The following DYNC1H1 variants were observed in gnomAD, a reference collection of about 807,000 sequenced individuals.
The protein encoded by DYNC1H1 is cytoplasmic dynein 1 heavy chain 1.
In DYNC1H1, 51 loss-of-function variants were observed where a neutral mutation model predicts 527.1. The ratio of observed to expected loss-of-function variants is 0.10; its 90% CI spans 0.08 to 0.12. The LOEUF (loss-of-function observed/expected upper bound fraction) is 0.12. Ranked by LOEUF, DYNC1H1 falls within the 10% of genes least tolerant of loss-of-function variation. The probability of loss-of-function intolerance (pLI) is 1.00; values close to 1 mark genes in which losing one functional copy is unlikely to be tolerated. For missense variants in DYNC1H1, 2,771 were observed against 5,971.8 expected, an observed-to-expected ratio of 0.46 and a Z score of 17.66; for synonymous variants, 2,189 against 2,278.8, an observed-to-expected ratio of 0.96 and a Z score of 1.12.
Position 102,033,098 on chromosome 14 carries a change from C to T in DYNC1H1, c.10113C>T (p.Tyr3371=). The change falls in exon 53 of 78, where the codon TAC becomes TAT. Residue 3371 remains tyrosine, a synonymous_variant. Coordinates refer to ENST00000360184, the MANE Select transcript of DYNC1H1 (RefSeq NM_001376.5). This position sits in a 1 kb window ranked among gnomAD's most constrained non-coding sequence, Gnocchi z 5.6. ...TAAGGGAGAAGATGAAGAAAAATTA[C>T]ATGTCCAATCCAAGTTACAATTATG... The part of the protein sequence containing the change: ...DAIREKMKKN[Y]MSNPSYNYEI... 2 of 1,614,220 alleles carry T rather than the reference C, an allele frequency of 1.2e-6. No individual in the cohort carries two copies. Among genetic ancestry groups the T allele is most frequent in the Non-Finnish European group, 1.7e-6 (2 of 1,180,054 alleles).
chr14:101,994,421 T>G (rs1462004187), intron 12 of DYNC1H1, 97 bp downstream of exon 12: 1 of 1,559,202 alleles, frequency 6.4e-7, no homozygotes, highest in African/African-American at 1.4e-5. Context: ...AGGTCTTGAC[T>G]GTATGTATGG....
chr14:102,006,277 C>T (rs933195414), intron 27 of DYNC1H1, 107 bp downstream of exon 27: 3 of 1,510,426 alleles, frequency 2.0e-6, no homozygotes, highest in Non-Finnish European at 2.7e-6. Flanking sequence ...GTCTGTCGCC[C>T]AGGCTGGAGC....
At chr14:102,046,526 G>A (rs1166564627) in intron 72 of DYNC1H1, among the ~76,000 whole-genome samples, 4 of 144,184 alleles carry the variant, frequency 2.8e-5, no homozygotes, top group Admixed American at 6.9e-5. Context: ...AGAGCCAGGC[G>A]AGCTGGGCGG....
chr14:102,050,232 A>C (rs1290718065), intron 77 of DYNC1H1, 34 bp downstream of exon 77: 3 of 1,613,544 alleles, frequency 1.9e-6, no homozygotes, highest in East Asian at 2.2e-5. Flanking sequence ...GGCATTCTGC[A>C]GGGACCCCTG....
intron 1 of DYNC1H1, among the ~76,000 whole-genome samples, chr14:101,973,747 T>C (rs186761702): frequency 6.6e-6 from 1 of 152,052 alleles, no homozygotes; most frequent in Non-Finnish European, 1.5e-5. Context: ...AAGACTACAG[T>C]GAGGTGTGAT....
rs2048037937 is a variant in DYNC1H1, at chr14:101,994,657, T to G, written c.3157-16T>G. 5 of 1,613,822 alleles carry G rather than the reference T, an allele frequency of 3.1e-6. No individual in the cohort carries two copies. In the South Asian group the frequency reaches 5.5e-5, roughly 18 times the overall value. On this transcript the variant is annotated splice_polypyrimidine_tract_variant and intron_variant, in intron 12 of 77. Coordinates refer to ENST00000360184, the MANE Select transcript of DYNC1H1 (RefSeq NM_001376.5). ...GAAAACTCAAACTATTATTTAACTG[T>G]GTTCTTCATTTGCAGGTTTGGCTTC...
rs574984154 is a variant in DYNC1H1 at position 102,050,729 on chromosome 14, A to G, written c.*166A>G. ...TGGGAGTGGTGGAAATTGGAAGGAT[A>G]CCAGGAGGTATTTGGGAAGGCCAAT... On this transcript the variant is annotated 3_prime_UTR_variant, in exon 78 of 78. Transcript: ENST00000360184. The G allele has an allele frequency of 4.8e-5, 54 of 1,130,028 alleles. No individual in the cohort carries two copies. Among genetic ancestry groups the G allele is most frequent in the Non-Finnish European group, 6.8e-5 (53 of 782,502 alleles). The allele number at this position is 1,130,028 out of a possible 1,614,324, so 70.0% of individuals were successfully genotyped here. A position where few individuals can be genotyped will look rare whatever the true frequency, so the allele number is the denominator to read the frequency against.
At position 102,042,753 on chromosome 14, in the gene DYNC1H1, G is replaced by GT. The variant is rs1449974341; in HGVS notation, c.12513+6dup. 8.7e-6 allele frequency: 14 copies of GT among 1,613,398 alleles called. No individual in the cohort carries two copies. Among genetic ancestry groups the GT allele is most frequent in the Non-Finnish European group, 1.2e-5 (14 of 1,179,432 alleles). Reference sequence around the variant, plus strand: ...CCCGTCTCACGGATATGCAAGGTAAGTACCTTGTCCTCCTGGTATGCTTTC... The same window carrying GT: ...CCCGTCTCACGGATATGCAAGGTAAGTTACCTTGTCCTCCTGGTATGCTTTC... On this transcript the variant is annotated splice_donor_region_variant and intron_variant, in intron 69 of 77. Transcript: ENST00000360184. This position sits in a 1 kb window ranked among gnomAD's most constrained non-coding sequence, Gnocchi z 5.7.
intron 23 of DYNC1H1, among the ~76,000 whole-genome samples, chr14:102,003,667 C>T (rs1173506703): frequency 5.3e-5 from 8 of 152,140 alleles, no homozygotes; most frequent in Admixed American, 2.0e-4. Context: ...TGGTGGCTCA[C>T]GCCTGTAATC....
intron 73 of DYNC1H1, 176 bp from the exon 74 acceptor site, chr14:102,048,319 GGGCCTCAGCGGGTTTCTGAGC>G: frequency 2.5e-6 from 2 of 786,504 alleles, no homozygotes; most frequent in South Asian, 3.5e-5. Context: ...ACTCGGGCAG[GGGCCTCAGCGGGTTTCTGAGC>G]AGCCTCAGCT....
chr14:102,025,936 T>C (rs1460687126), intron 43 of DYNC1H1, among the ~76,000 whole-genome samples: 2 of 152,054 alleles, frequency 1.3e-5, no homozygotes, highest in Non-Finnish European at 2.9e-5. Context: ...GCCAACGTGG[T>C]GAAACCCGTC....
intron 43 of DYNC1H1, among the ~76,000 whole-genome samples, chr14:102,025,523 C>T (rs2048438818): frequency 7.1e-6 from 1 of 141,212 alleles, no homozygotes; most frequent in African/African-American, 2.7e-5. Context: ...GATCAGGCCA[C>T]TGCACTCTAG....
rs2047845481 is a variant in DYNC1H1 at position 101,980,045 on chromosome 14, T to C, written c.774+71T>C. ...ATATCTTTGGGAAAACTGATCTGGA[T>C]TTTGTAAGTGAGGTAAATTATGTGA... On this transcript the variant is annotated intron_variant, in intron 4 of 77. Coordinates refer to ENST00000360184, the MANE Select transcript of DYNC1H1 (RefSeq NM_001376.5). 4 of 1,607,476 alleles carry C rather than the reference T, an allele frequency of 2.5e-6. No homozygotes were observed. The African/African-American group carries it at 5.3e-5, about 21-fold the overall frequency.
intron 11 of DYNC1H1, among the ~76,000 whole-genome samples, chr14:101,992,851 G>A (rs1429357413): frequency 2.0e-5 from 3 of 152,090 alleles, no homozygotes; most frequent in Non-Finnish European, 2.9e-5. Flanking sequence ...CACCTCAGTG[G>A]CTGGTCTCCT....
chr14:101,991,027 A>T (rs947168227), intron 10 of DYNC1H1, among the ~76,000 whole-genome samples: 14 of 149,472 alleles, frequency 9.4e-5, no homozygotes, highest in East Asian at 1.9e-4. Context: ...AAAAAAAAAT[A>T]CAAAAATTAA....
At position 101,979,409 on chromosome 14, in the gene DYNC1H1, C is replaced by G; in HGVS notation, c.435C>G (p.Pro145=). 2 of 1,614,184 alleles carry G rather than the reference C, an allele frequency of 1.2e-6. No individual in the cohort carries two copies. The highest frequency in any genetic ancestry group is 8.5e-7 in the Non-Finnish European group (1 of 1,180,038). The change falls in exon 3 of 78, where the codon CCC becomes CCG. Residue 145 remains proline (P), a synonymous_variant. Coordinates refer to ENST00000360184, the MANE Select transcript of DYNC1H1 (RefSeq NM_001376.5). The surrounding 1 kb of genome is among the most constrained non-coding windows in gnomAD (Gnocchi z 4.6). The part of the protein sequence containing the change: ...LRVLTLSEDS[P]YETLHSFISN... ...TCCTTACACTCAGTGAAGACTCGCCCTACGAAACTTTGCATTCTTTCATTA... is the reference window on the plus strand; with the variant it reads ...TCCTTACACTCAGTGAAGACTCGCCGTACGAAACTTTGCATTCTTTCATTA...
chr14:102,006,329 G>T (rs1200035608), intron 27 of DYNC1H1, among the ~76,000 whole-genome samples, 159 bp downstream of exon 27: 1 of 152,198 alleles, frequency 6.6e-6, no homozygotes, highest in Non-Finnish European at 1.5e-5. Flanking sequence ...CCACCTCCCG[G>T]GTTCAAGCCA....
intron 1 of DYNC1H1, among the ~76,000 whole-genome samples, chr14:101,968,962 G>A (rs1236658364): frequency 6.6e-6 from 1 of 152,200 alleles, no homozygotes; most frequent in Non-Finnish European, 1.5e-5. Flanking sequence ...GAGGAGAAAT[G>A]TTTTCTGGTT....
intron 2 of DYNC1H1, among the ~76,000 whole-genome samples, chr14:101,976,320 A>T (rs1465791092): frequency 6.6e-6 from 1 of 151,360 alleles, no homozygotes; most frequent in African/African-American, 2.4e-5. Flanking sequence ...AGGTGGGCAG[A>T]TCACGTGAAG....
Sources: gnomAD v4.1 joint callset for allele counts (sites outside exome capture counted in the v4.1 genomes callset) on GRCh38, gnomAD v4.1.1 for gene constraint, Gnocchi (gnomAD v3.1) non-coding constraint, MANE v1.5 for transcripts, NCBI Gene and HGNC (gene_info 2026-07-23, HGNC 2026-07-21) for gene names.